The following POGLUT1 variants were observed in gnomAD, a reference collection of about 807,000 sequenced individuals.
The protein encoded by POGLUT1 is 9630046K23Rik.
In POGLUT1, 32 loss-of-function variants were observed where a neutral mutation model predicts 61.3. The ratio of observed to expected loss-of-function variants is 0.52; its 90% CI spans 0.39 to 0.70. The LOEUF is 0.70. Ranked by LOEUF, POGLUT1 falls within the 30% of genes least tolerant of loss-of-function variation. The pLI, the probability that POGLUT1 is intolerant of heterozygous loss-of-function variation, is 0.00. For missense variants in POGLUT1, 411 were observed against 469.8 expected, an observed-to-expected ratio of 0.87 and a Z score of 1.16; for synonymous variants, 158 against 158.2, an observed-to-expected ratio of 1.00 and a Z score of 0.01.
intron 5 of POGLUT1, among the ~76,000 whole-genome samples, chr3:119,483,166 T>C (rs932199683): frequency 4.6e-5 from 7 of 152,238 alleles, no homozygotes; most frequent in East Asian, 1.9e-4. Flanking sequence ...AGCTGTTTCA[T>C]GTCTAGAATG....
intron 3 of POGLUT1, among the ~76,000 whole-genome samples, chr3:119,474,469 C>T (rs1161767159): frequency 1.3e-5 from 2 of 152,198 alleles, no homozygotes; most frequent in Non-Finnish European, 2.9e-5. Flanking sequence ...CAGGCAGCCG[C>T]TGACTACTTT....
chr3:119,469,755 G>C (rs2081447284), intron 1 of POGLUT1, 65 bp from the exon 2 acceptor site: 20 of 795,356 alleles, frequency 2.5e-5, no homozygotes, highest in Non-Finnish European at 4.2e-5. Flanking sequence ...TCTTCTGTTG[G>C]TGTGGTGTCA....
chr3:119,491,729 C>T (rs2081748430), intron 10 of POGLUT1, among the ~76,000 whole-genome samples, 155 bp downstream of exon 10: 1 of 152,158 alleles, frequency 6.6e-6, no homozygotes, highest in Non-Finnish European at 1.5e-5. Flanking sequence ...TGGGGGAAAA[C>T]ATACACACAT....
At chr3:119,490,980 C>G (rs2081737336) in intron 9 of POGLUT1, among the ~76,000 whole-genome samples, 2 of 151,926 alleles carry the variant, frequency 1.3e-5, no homozygotes, top group Non-Finnish European at 1.5e-5. Flanking sequence ...AAGCTCTAAT[C>G]TCTCCAAGAC....
In POGLUT1 at chr3:119,480,639, A is replaced by G. The variant is rs1162783599; in HGVS notation, c.578+467A>G. ...TTTGTACGTGTCTAATAATATTTAC[A>G]TATCCATAGAAAGGGGCAGAATAGT... On this transcript the variant is annotated intron_variant, in intron 5 of 10. Coordinates refer to ENST00000295588, the MANE Select transcript of POGLUT1 (RefSeq NM_152305.3). Among the ~76,000 whole-genome samples, 4 of 152,204 alleles carry G rather than the reference A, an allele frequency of 2.6e-5. No individual in the cohort carries two copies. The South Asian group carries it at 8.3e-4, about 32-fold the overall frequency.
At position 119,492,531 on chromosome 3, in the gene POGLUT1, A is replaced by C. The variant is rs2081763833; in HGVS notation, c.*93A>C. On this transcript the variant is annotated 3_prime_UTR_variant, in exon 11 of 11. Coordinates refer to ENST00000295588, the MANE Select transcript of POGLUT1 (RefSeq NM_152305.3). ...CCATAAGCTTGGCACCTATACCTTG[A>C]ATATCTGCTATCAAGCCAAATACCT... 1 of 755,134 alleles carries C rather than the reference A, an allele frequency of 1.3e-6. No homozygotes were observed. Among genetic ancestry groups the C allele is most frequent in the Non-Finnish European group, 2.0e-6 (1 of 489,950 alleles). 46.8% of individuals were successfully genotyped at this position (755,134 alleles called of 1,614,324 possible).
intron 7 of POGLUT1, among the ~76,000 whole-genome samples, chr3:119,487,565 G>A (rs2081681584): frequency 6.6e-6 from 1 of 152,052 alleles, no homozygotes; most frequent in Non-Finnish European, 1.5e-5. Context: ...CCAGCCTGGC[G>A]ACAGAGCAAG....
intron 2 of POGLUT1, among the ~76,000 whole-genome samples, chr3:119,470,597 T>G (rs1022787854): frequency 1.3e-5 from 2 of 152,156 alleles, no homozygotes; most frequent in Non-Finnish European, 2.9e-5. Context: ...AGAATGCACA[T>G]CAGGGCCGGG....
intron 3 of POGLUT1, among the ~76,000 whole-genome samples, chr3:119,473,488 A>G (rs1363967032): frequency 6.6e-6 from 1 of 152,196 alleles, no homozygotes; most frequent in East Asian, 1.9e-4. Flanking sequence ...ATTTCCAATG[A>G]CACTGAAAGT....
rs1393645396 is a variant in POGLUT1 at position 119,493,768 on chromosome 3, A to G, written c.*1330A>G. On this transcript the variant is annotated 3_prime_UTR_variant, in exon 11 of 11. Transcript: ENST00000295588. ...AGAGAAGTTGAGCATGCCTGGCAAG[A>G]TCATTTCATGGAATAAGCAGATGTT... 1 of 150,834 alleles carries G rather than the reference A, an allele frequency of 6.6e-6. No homozygotes were observed. Among genetic ancestry groups the G allele is most frequent in the African/African-American group, 2.5e-5 (1 of 40,806 alleles). 9.3% of individuals were successfully genotyped at this position (150,834 alleles called of 1,614,324 possible).
At chr3:119,486,751 C>A in intron 6 of POGLUT1, 82 bp from the exon 7 acceptor site, 1 of 920,506 alleles carries the variant, frequency 1.1e-6, no homozygotes, top group South Asian at 1.3e-5. Context: ...GCATTGGGTC[C>A]TAGTCCTGCT....
intron 3 of POGLUT1, among the ~76,000 whole-genome samples, chr3:119,476,965 C>A (rs1333041436): frequency 6.6e-6 from 1 of 152,110 alleles, no homozygotes; most frequent in Non-Finnish European, 1.5e-5. Context: ...GAGTTTGTAT[C>A]TTGTCTACTA....
intron 9 of POGLUT1, among the ~76,000 whole-genome samples, chr3:119,490,989 A>C (rs940379796): frequency 1.3e-5 from 2 of 151,978 alleles, no homozygotes; most frequent in Non-Finnish European, 2.9e-5. Flanking sequence ...TCTCTCCAAG[A>C]CTAAAGATAG....
chr3:119,484,600 C>G (rs767066499), intron 5 of POGLUT1, among the ~76,000 whole-genome samples: 2 of 152,324 alleles, frequency 1.3e-5, no homozygotes, highest in South Asian at 4.1e-4. Flanking sequence ...CTATGGAAAA[C>G]ATAAAATCAG....
chr3:119,471,504 G>C (rs1364823758), intron 3 of POGLUT1, 52 bp downstream of exon 3: 1 of 1,547,020 alleles, frequency 6.5e-7, no homozygotes, highest in Non-Finnish European at 8.9e-7. Context: ...ATATGGGCTT[G>C]ATACCCTTTT....
chr3:119,478,066 G>A (rs6802116), intron 4 of POGLUT1: 5 of 319,504 alleles, frequency 1.6e-5, no homozygotes. Context: ...GGGGAATTGG[G>A]GGCAAGGAAT....
chr3:119,484,087 G>A (rs565897358), intron 5 of POGLUT1, among the ~76,000 whole-genome samples: 2 of 152,142 alleles, frequency 1.3e-5, no homozygotes, highest in Non-Finnish European at 1.5e-5. Context: ...GCAGGAAGAA[G>A]TATGGGGAAA....
In POGLUT1 at chr3:119,493,688, T is replaced by G. The variant is rs1268151608; in HGVS notation, c.*1250T>G. The G allele has an allele frequency of 6.6e-6, 1 of 152,192 alleles. No homozygotes were observed. Among genetic ancestry groups the G allele is most frequent in the Non-Finnish European group, 1.5e-5 (1 of 68,028 alleles). The allele number at this position is 152,192 out of a possible 1,614,324, so 9.4% of individuals were successfully genotyped here. A position where few individuals can be genotyped will look rare whatever the true frequency, so the allele number is the denominator to read the frequency against. ...TATCAGACATTCCATTTGTCAGAAA[T>G]GTATTTGGCTTTTTAAACTCCTTTC... On this transcript the variant is annotated 3_prime_UTR_variant, in exon 11 of 11. Transcript: ENST00000295588.
intron 9 of POGLUT1, among the ~76,000 whole-genome samples, chr3:119,491,053 T>C (rs1197542876): frequency 6.6e-6 from 1 of 151,712 alleles, no homozygotes; most frequent in Non-Finnish European, 1.5e-5. Context: ...AGCATGAGAA[T>C]TGACTCAAGT....
Sources: gnomAD v4.1 joint callset for allele counts (sites outside exome capture counted in the v4.1 genomes callset) on GRCh38, gnomAD v4.1.1 for gene constraint, MANE v1.5 for transcripts, NCBI Gene and HGNC (gene_info 2026-07-23, HGNC 2026-07-21) for gene names.